RPS17: variants seen among roughly 807,000 people sequenced by gnomAD.
The protein encoded by RPS17 is ribosomal protein S17.
For missense variants in RPS17, 68 were observed against 182.3 expected, an observed-to-expected ratio of 0.37 and a Z score of 3.61; for synonymous variants, 75 against 65.6, an observed-to-expected ratio of 1.14 and a Z score of -0.70.
chr15:82,540,355 G>A, intron 1 of RPS17, 71 bp downstream of exon 1: 2 of 1,583,514 alleles, frequency 1.3e-6, no homozygotes, highest in South Asian at 2.3e-5. Context: ...CTCTCTGTGG[G>A]CTGAGGACCG....
At chr15:82,537,027 T>C (rs1365518101) in intron 4 of RPS17, 146 bp from the exon 5 acceptor site, 1 of 807,542 alleles carries the variant, frequency 1.2e-6, no homozygotes, top group Non-Finnish European at 2.2e-6. Context: ...AACAGGGTTC[T>C]CAATGCCTCC....
chr15:82,538,481 T>C, intron 3 of RPS17, 110 bp from the exon 4 acceptor site: 1 of 1,231,254 alleles, frequency 8.1e-7, no homozygotes. Flanking sequence ...TGCACAAGGA[T>C]AGCATTCCTC....
intron 2 of RPS17, 175 bp downstream of exon 2, chr15:82,539,806 C>T: frequency 8.5e-7 from 1 of 1,178,434 alleles, no homozygotes; most frequent in South Asian, 1.3e-5. Flanking sequence ...AGTCATGACA[C>T]AGGCCTAAGT....
At chr15:82,540,265 C>G in intron 1 of RPS17, 133 bp from the exon 2 acceptor site, 5 of 1,601,434 alleles carry the variant, frequency 3.1e-6, no homozygotes, top group East Asian at 4.5e-5. Flanking sequence ...TAAACAGTGC[C>G]GGGCGCCGGG....
intron 2 of RPS17, 166 bp downstream of exon 2, chr15:82,539,815 G>C: frequency 7.8e-7 from 1 of 1,275,610 alleles, no homozygotes; most frequent in Non-Finnish European, 1.1e-6. Flanking sequence ...ACAGGCCTAA[G>C]TTCACAACAG....
rs959960843 is a variant in RPS17, at chr15:82,540,028, C to T, written c.108G>A (p.Glu36=). The change falls in exon 2 of 5, where the codon GAG becomes GAA. Residue 36 remains glutamate (E), a synonymous_variant. Transcript: ENST00000647841. ...NDFHTNKRVC[E]EIAIIPSKKL... Reference sequence around the variant, plus strand: ...TTTTGCTGGGGATAATGGCGATCTCCTCGCACACGCGCTTGTTCGTGTGGA... The same window carrying T: ...TTTTGCTGGGGATAATGGCGATCTCTTCGCACACGCGCTTGTTCGTGTGGA... The T allele has an allele frequency of 3.7e-6, 6 of 1,612,414 alleles. No individual in the cohort carries two copies. The highest frequency in any genetic ancestry group is 1.3e-5 in the African/African-American group (1 of 74,996).
intron 4 of RPS17, chr15:82,537,591 A>G (rs950648431): frequency 3.5e-5 from 12 of 342,808 alleles, no homozygotes; most frequent in Non-Finnish European, 6.2e-5. Context: ...TTTGGTCCTC[A>G]GAAACCCATT....
chr15:82,539,689 A>T, intron 2 of RPS17: 1 of 410,072 alleles, frequency 2.4e-6, no homozygotes, highest in Non-Finnish European at 4.5e-6. Flanking sequence ...ATTCCGTCTC[A>T]AAAAAAAAAG....
In RPS17 at chr15:82,536,850, G is replaced by A; in HGVS notation, c.359C>T (p.Thr120Ile). Reference protein sequence around the residue: ...DFGSLSNLQVTQPTVGMNFKT... With the variant: ...DFGSLSNLQVIQPTVGMNFKT... ...GAAATTCATCCCAACTGTAGGCTGAGTGACCTGAAGGTTGGACAGACTGCC... is the reference window on the plus strand; with the variant it reads ...GAAATTCATCCCAACTGTAGGCTGAATGACCTGAAGGTTGGACAGACTGCC... The change falls in exon 5 of 5, where the codon ACT becomes ATT. Residue 120 changes from threonine to isoleucine, a missense_variant. Transcript: ENST00000647841. 2.5e-6 allele frequency: 4 copies of A among 1,614,030 alleles called. No homozygotes were observed. The highest frequency in any genetic ancestry group is 3.4e-6 in the Non-Finnish European group (4 of 1,179,882).
intron 3 of RPS17, 71 bp downstream of exon 3, chr15:82,538,809 T>C: frequency 6.5e-7 from 1 of 1,532,854 alleles, no homozygotes. Context: ...CTGAGGTCCC[T>C]TTGGAAGCCA....
intron 1 of RPS17, 138 bp from the exon 2 acceptor site, chr15:82,540,270 G>A (rs1595979958): frequency 6.3e-7 from 1 of 1,598,926 alleles, no homozygotes; most frequent in South Asian, 1.1e-5. Flanking sequence ...AGTGCCGGGC[G>A]CCGGGCTTAA....
chr15:82,539,313 C>T (rs1436047246), intron 2 of RPS17: 11 of 505,128 alleles, frequency 2.2e-5, no homozygotes, highest in African/African-American at 1.7e-4. Context: ...GCAATTAATA[C>T]GTTGACTTTG....
At chr15:82,539,457 G>A in intron 2 of RPS17, 1 of 459,204 alleles carries the variant, frequency 2.2e-6, no homozygotes, top group Non-Finnish European at 4.4e-6. Flanking sequence ...GGAGGCCGAG[G>A]CGGGCGGATC....
At chr15:82,540,402 G>T (rs1250189748) in intron 1 of RPS17, 24 bp downstream of exon 1, 14 of 1,593,086 alleles carry the variant, frequency 8.8e-6, no homozygotes, top group Non-Finnish European at 1.2e-5. Context: ...GTGGAGGATG[G>T]CGGCCTCGAG....
chr15:82,539,834 C>T (rs2034313159), intron 2 of RPS17, 147 bp downstream of exon 2: 3 of 1,385,792 alleles, frequency 2.2e-6, no homozygotes, highest in Admixed American at 1.7e-5. Flanking sequence ...AGAAATCCTG[C>T]ACACGCAGAG....
chr15:82,539,855 T>C lies in RPS17; in HGVS notation c.155+126A>G, dbSNP rs2034313522. The C allele has an allele frequency of 2.7e-6, 4 of 1,483,606 alleles. No individual in the cohort carries two copies. In the East Asian group the frequency reaches 6.8e-5, roughly 25 times the overall value. 91.9% of individuals were successfully genotyped at this position (1,483,606 alleles called of 1,614,324 possible). ...CCTGCACACGCAGAGCTCTAGCCCT[T>C]CTCCGGGACACCAGGGAGTCTCAGG... On this transcript the variant is annotated intron_variant, in intron 2 of 4. Coordinates refer to ENST00000647841, the MANE Select transcript of RPS17 (RefSeq NM_001021.6).
At chr15:82,538,642 G>T in intron 3 of RPS17, 2 of 650,890 alleles carry the variant, frequency 3.1e-6, no homozygotes, top group Non-Finnish European at 5.5e-6. Context: ...ATCGAGCCAC[G>T]ACAGCAGTCA....
chr15:82,539,422 T>C (rs1380982226), intron 2 of RPS17: 4 of 460,428 alleles, frequency 8.7e-6, no homozygotes, highest in African/African-American at 7.9e-5. Context: ...GCGAGGTGGC[T>C]CACGCCTGTA....
intron 4 of RPS17, chr15:82,537,855 C>A (rs2034267789): frequency 2.0e-5 from 9 of 455,952 alleles, no homozygotes; most frequent in Non-Finnish European, 3.5e-5. Flanking sequence ...CTAAGATAAG[C>A]CATAGAAAAA....
Sources: gnomAD v4.1 joint callset for allele counts on GRCh38, gnomAD v4.1.1 for gene constraint, MANE v1.5 for transcripts, NCBI Gene and HGNC (gene_info 2026-07-23, HGNC 2026-07-21) for gene names.